Variants in SRCAP observed in about 807,000 individuals in gnomAD.
The protein encoded by SRCAP is chromatin remodeling protein SRCAP.
A neutral mutation model predicts 263.1 loss-of-function variants in SRCAP; 46 were observed. That is an observed-to-expected ratio of 0.17 (90% CI 0.14 to 0.22). The LOEUF (loss-of-function observed/expected upper bound fraction) is 0.22. Ranked by LOEUF, SRCAP falls within the 10% of genes least tolerant of loss-of-function variation. The pLI, the probability that SRCAP is intolerant of heterozygous loss-of-function variation, is 1.00. For synonymous variants in SRCAP, 1,813 were observed against 1,662.1 expected, an observed-to-expected ratio of 1.09 and a Z score of -2.21; for missense variants, 3,695 against 4,181.9, an observed-to-expected ratio of 0.88 and a Z score of 3.21.
intron 3 of SRCAP, among the ~76,000 whole-genome samples, chr16:30,702,702 G>A (rs111465447): frequency 0.045 from 6,642 of 147,564 alleles, 473 homozygotes; most frequent in African/African-American, 0.16. Context: ...CTGCCTCCTG[G>A]TTCAAGCAAT....
chr16:30,731,158 C>T (rs1426857699), intron 27 of SRCAP, among the ~76,000 whole-genome samples: 2 of 152,148 alleles, frequency 1.3e-5, no homozygotes, highest in Non-Finnish European at 2.9e-5. Context: ...GAACAAAAGA[C>T]CTCCAAGCTG....
At chr16:30,718,120 GCCTTGGCCT>G (rs565162390) in intron 18 of SRCAP, among the ~76,000 whole-genome samples, 93 of 151,616 alleles carry the variant, frequency 6.1e-4, no homozygotes, top group South Asian at 1.2e-3. Flanking sequence ...TGATCCTTCC[GCCTTGGCCT>G]CCCAAAGCCC....
chr16:30,721,793 T>C, intron 21 of SRCAP, among the ~76,000 whole-genome samples: 1 of 152,170 alleles, frequency 6.6e-6, no homozygotes, highest in East Asian at 1.9e-4. Context: ...AGATGACACA[T>C]AGATGAATAA....
chr16:30,707,864 C>A, intron 6 of SRCAP, 152 bp downstream of exon 6: 1 of 1,003,536 alleles, frequency 1.0e-6, no homozygotes, highest in Non-Finnish European at 1.5e-6. Context: ...AGTATAGTGG[C>A]AAAATATGGG....
At chr16:30,714,478 G>A (rs1271555274) in intron 16 of SRCAP, among the ~76,000 whole-genome samples, 1 of 150,036 alleles carries the variant, frequency 6.7e-6, no homozygotes, top group African/African-American at 2.5e-5. Context: ...GAAAATCCTG[G>A]AATTAAAGGT....
Position 30,720,351 on chromosome 16 carries a change from A to G in SRCAP, c.2987+20A>G. 1.3e-6 allele frequency: 2 copies of G among 1,598,770 alleles called. No individual in the cohort carries two copies. Among genetic ancestry groups the G allele is most frequent in the South Asian group, 1.1e-5 (1 of 90,374 alleles). On this transcript the variant is annotated intron_variant, in intron 19 of 33. Transcript: ENST00000262518. ...CAACAGGTACAAGGACTAAGGAATGAGGGGATGGTTCCTAGAATAAGTGGC... is the reference window on the plus strand; with the variant it reads ...CAACAGGTACAAGGACTAAGGAATGGGGGGATGGTTCCTAGAATAAGTGGC...
At chr16:30,729,642 AG>A in intron 27 of SRCAP, 70 bp downstream of exon 27, 1 of 1,564,940 alleles carries the variant, frequency 6.4e-7, no homozygotes, top group Non-Finnish European at 8.8e-7. Flanking sequence ...GTTGTATCAG[AG>A]GGATGCTGCA....
At chr16:30,707,851 A>C in intron 6 of SRCAP, 139 bp downstream of exon 6, 1 of 1,171,716 alleles carries the variant, frequency 8.5e-7, no homozygotes, top group Non-Finnish European at 1.2e-6. Flanking sequence ...GTATGGATAA[A>C]AAAGTATAGT....
chr16:30,712,100 C>T lies in SRCAP; in HGVS notation c.1758C>T (p.Asp586=), dbSNP rs752453206. The T allele has an allele frequency of 6.2e-6, 10 of 1,614,074 alleles. No homozygotes were observed. The highest frequency in any genetic ancestry group is 1.1e-5 in the South Asian group (1 of 91,092). Residue 586 remains aspartate, a synonymous_variant, in exon 12 of 34, where the codon GAC becomes GAT. Transcript: ENST00000262518. The part of the protein sequence containing the change: ...TTLGPKKEIT[D]IAAAAESLQP... ...TAGGTCCAAAGAAAGAAATTACTGA[C>T]ATTGCTGCAGCAGCTGAAAGTCTCC...
intron 16 of SRCAP, among the ~76,000 whole-genome samples, chr16:30,713,940 C>T (rs1464601359): frequency 6.6e-6 from 1 of 151,424 alleles, no homozygotes; most frequent in Admixed American, 6.6e-5. Flanking sequence ...CTTTGTCGCC[C>T]AGGCTGGAGT....
In SRCAP at chr16:30,738,181, C is replaced by A. The variant is rs145133516; in HGVS notation, c.8141C>A (p.Pro2714His). 2.5e-6 allele frequency: 4 copies of A among 1,614,082 alleles called. No homozygotes were observed. In the African/African-American group the frequency reaches 5.3e-5, roughly 22 times the overall value. ...SSSATSSPEG[P>H]SPARPPRRRT... ...TCAGCCACTTCCTCGCCTGAGGGTC[C>A]TTCACCTGCCCGACCTCCTCGGCGT... is the stretch of plus-strand genomic sequence containing the variant. Residue 2714 changes from proline (P) to histidine (H), a missense_variant, in exon 34 of 34, where the codon CCT becomes CAT. This residue lies in a region of SRCAP where 1,207 missense variants were observed against 1,142.9 expected (regional missense o/e 1.06). Transcript: ENST00000262518.
chr16:30,734,450 C>G (rs2053140430), intron 30 of SRCAP, 46 bp from the exon 31 acceptor site: 1 of 1,611,586 alleles, frequency 6.2e-7, no homozygotes, highest in Non-Finnish European at 8.5e-7. Flanking sequence ...AGACCTAAGA[C>G]TAGCATTCTG....
intron 3 of SRCAP, among the ~76,000 whole-genome samples, chr16:30,702,035 C>T (rs915003186): frequency 2.0e-5 from 3 of 151,908 alleles, no homozygotes; most frequent in Admixed American, 1.3e-4. Flanking sequence ...CTCACTGCAA[C>T]CTCCGCCTCC....
intron 18 of SRCAP, 143 bp downstream of exon 18, chr16:30,716,622 G>A: frequency 1.3e-6 from 1 of 749,720 alleles, no homozygotes; most frequent in Non-Finnish European, 2.2e-6. Flanking sequence ...CTCTAGCCAT[G>A]TGACTTAACG....
Position 30,720,962 on chromosome 16 carries a change from T to G in SRCAP, c.3237T>G (p.Ser1079Arg). Reference sequence around the variant, plus strand: ...TCTTGCCTCCACTGCAGCCCAACAGTGGTTCTCTCCCCCAGGGTGAGTTGA... The same window carrying G: ...TCTTGCCTCCACTGCAGCCCAACAGGGGTTCTCTCCCCCAGGGTGAGTTGA... ...PVLLPPLQPN[S>R]GSLPQVLPSP... The change falls in exon 20 of 34, where the codon AGT becomes AGG. Residue 1079 changes from serine to arginine, a missense_variant. Around this residue, in one of 12 missense-constraint regions of SRCAP, gnomAD observed 1,347 missense variants for 1,304.4 expected, o/e 1.03. Coordinates refer to ENST00000262518, the MANE Select transcript of SRCAP (RefSeq NM_006662.3). 6.2e-7 allele frequency: 1 copy of G among 1,608,046 alleles called. No individual in the cohort carries two copies. The highest frequency in any genetic ancestry group is 2.2e-5 in the East Asian group (1 of 44,856).
chr16:30,704,009 A>C (rs1263061172), intron 3 of SRCAP, 55 bp from the exon 4 acceptor site: 3 of 1,537,082 alleles, frequency 2.0e-6, no homozygotes, highest in Non-Finnish European at 2.6e-6. Context: ...ATGTATCTAA[A>C]ACACTCAGCA....
intron 31 of SRCAP, 57 bp from the exon 32 acceptor site, chr16:30,736,143 C>G (rs1451583805): frequency 3.8e-6 from 6 of 1,598,046 alleles, no homozygotes; most frequent in Non-Finnish European, 5.1e-6. Flanking sequence ...AATCAAATCA[C>G]AGGATGTAAA....
intron 22 of SRCAP, 94 bp from the exon 23 acceptor site, chr16:30,722,469 C>T: frequency 5.3e-6 from 8 of 1,521,800 alleles, no homozygotes; most frequent in Non-Finnish European, 7.2e-6. Context: ...AGAATGTATT[C>T]CCTCTCTGTT....
intron 1 of SRCAP, among the ~76,000 whole-genome samples, chr16:30,699,702 C>G (rs1452339906): frequency 6.6e-6 from 1 of 151,912 alleles, no homozygotes; most frequent in African/African-American, 2.4e-5. Flanking sequence ...AATTTTTGAA[C>G]TTTCTTTCTT....
Sources: allele counts gnomAD v4.1 joint callset (sites outside exome capture counted in the v4.1 genomes callset), GRCh38; gene constraint gnomAD v4.1.1; regional missense constraint gnomAD v4.1.1; transcripts MANE v1.5; gene names NCBI Gene and HGNC (gene_info 2026-07-23, HGNC 2026-07-21).